Variants in EP300 observed in about 807,000 individuals in gnomAD.
EP300 encodes the protein histone acetyltransferase p300.
A neutral mutation model predicts 264.0 loss-of-function variants in EP300; 31 were observed. The observed-to-expected ratio is 0.12, with a 90% CI of 0.09 to 0.16. The LOEUF (loss-of-function observed/expected upper bound fraction) is 0.16. EP300 is among the 10% of genes least tolerant of loss of function. EP300 has a pLI of 1.00. For missense variants in EP300, 2,766 were observed against 3,052.9 expected, an observed-to-expected ratio of 0.91 and a Z score of 2.21; for synonymous variants, 1,340 against 1,045.4, an observed-to-expected ratio of 1.28 and a Z score of -5.44.
At position 41,141,866 on chromosome 22, in the gene EP300, A is replaced by G. The variant is rs114980245; in HGVS notation, c.2053+644A>G. ...TAATTTTTGTATTTTTCGTAGAGAC[A>G]GGGTTTTGCCATGTTGGCCTAGCTG... is the stretch of plus-strand genomic sequence containing the variant. On this transcript the variant is annotated intron_variant, in intron 10 of 30. Coordinates refer to ENST00000263253, the MANE Select transcript of EP300 (RefSeq NM_001429.4). 9.6e-3 allele frequency among the ~76,000 whole-genome samples: 1,457 copies of G among 152,104 alleles called. 28 individuals carry two copies. Among genetic ancestry groups the G allele is most frequent in the African/African-American group, 0.033 (1,383 of 41,482 alleles).
At chr22:41,167,580 GTGTGTATATATATATATATATA>G (rs1273074537) in intron 23 of EP300, among the ~76,000 whole-genome samples, 1,528 of 30,160 alleles carry the variant, frequency 0.051, 84 homozygotes, top group African/African-American at 0.16. Flanking sequence ...GTGTGTGTGT[GTGTGTATATATATATATATATA>G]TATATATATA....
rs559582949 is a variant in EP300 at position 41,178,074 on chromosome 22, G to T, written c.6363G>T (p.Gln2121His). 8.7e-6 allele frequency: 14 copies of T among 1,614,132 alleles called. No individual in the cohort carries two copies. Among genetic ancestry groups the T allele is most frequent in the African/African-American group, 6.7e-5 (5 of 75,038 alleles). The change falls in exon 31 of 31, where the codon CAG becomes CAT. Residue 2121 changes from glutamine (Q) to histidine (H), a missense_variant. By Grantham distance (24) the Gln-to-His change is conservative. Coordinates refer to ENST00000263253, the MANE Select transcript of EP300 (RefSeq NM_001429.4). ...TACAGCCACCTACCATGCCAGGTCA[G>T]CAGGGGGTCCACTCCAATCCAGCCA... ...PGLQPPTMPG[Q>H]QGVHSNPAMQ...
At chr22:41,152,170 C>T (rs775611620) in intron 15 of EP300, 36 bp from the exon 16 acceptor site, 1 of 1,608,396 alleles carries the variant, frequency 6.2e-7, no homozygotes, top group African/African-American at 1.3e-5. Flanking sequence ...AACTAGATAT[C>T]TTTGGAATAC....
At chr22:41,093,192 C>A in intron 1 of EP300, 94 bp downstream of exon 1, 3 of 1,224,144 alleles carry the variant, frequency 2.5e-6, no homozygotes, top group Non-Finnish European at 2.4e-6. Context: ...TCCTCTCTCT[C>A]TAGTTCCCTG....
intron 18 of EP300, among the ~76,000 whole-genome samples, chr22:41,157,956 T>C (rs2059086754): frequency 6.6e-6 from 1 of 152,258 alleles, no homozygotes. Flanking sequence ...GACTGTTAAC[T>C]CATCTGGAGT....
chr22:41,143,351 A>C (rs1414685859), intron 10 of EP300, among the ~76,000 whole-genome samples: 1 of 152,090 alleles, frequency 6.6e-6, no homozygotes, highest in African/African-American at 2.4e-5. Context: ...ACTCAGGAGG[A>C]TGAGGCAGGA....
chr22:41,104,283 T>A (rs2058746290), intron 1 of EP300, among the ~76,000 whole-genome samples: 1 of 151,914 alleles, frequency 6.6e-6, no homozygotes, highest in East Asian at 1.9e-4. Flanking sequence ...GTCTTCATCA[T>A]GTAGTTTTTT....
At chr22:41,129,819 TCAA>T in intron 4 of EP300, 68 bp from the exon 5 acceptor site, 1 of 1,166,600 alleles carries the variant, frequency 8.6e-7, no homozygotes, top group Non-Finnish European at 1.3e-6. Flanking sequence ...TATTAAGTGG[TCAA>T]CAAGTTAGCT....
intron 2 of EP300, among the ~76,000 whole-genome samples, chr22:41,125,427 G>T (rs1413289114): frequency 2.0e-5 from 3 of 149,180 alleles, no homozygotes; most frequent in Non-Finnish European, 4.4e-5. Flanking sequence ...TGTTTTTTGG[G>T]GTTTTTTTTT....
intron 22 of EP300, among the ~76,000 whole-genome samples, chr22:41,165,762 ATT>A (rs1333999351): frequency 1.3e-5 from 2 of 151,100 alleles, no homozygotes; most frequent in African/African-American, 4.9e-5. Flanking sequence ...TAATTTTTGT[ATT>A]TTGTTATAAG....
chr22:41,163,567 CA>C, intron 21 of EP300, among the ~76,000 whole-genome samples: 1 of 151,466 alleles, frequency 6.6e-6, no homozygotes, highest in Middle Eastern at 3.4e-3. Flanking sequence ...GCCAACATGG[CA>C]AAATCCCGTC....
intron 17 of EP300, among the ~76,000 whole-genome samples, 157 bp downstream of exon 17, chr22:41,155,270 C>T (rs1409619206): frequency 1.3e-5 from 2 of 151,676 alleles, no homozygotes; most frequent in African/African-American, 4.8e-5. Context: ...TTCTGGTTGC[C>T]TAGGCTGGAG....
At chr22:41,105,254 G>C (rs1007698212) in intron 1 of EP300, among the ~76,000 whole-genome samples, 11 of 146,048 alleles carry the variant, frequency 7.5e-5, no homozygotes, top group African/African-American at 2.5e-4. Context: ...TGTAGTCCCA[G>C]CTACTCGGGA....
At chr22:41,141,437 A>G (rs2058981646) in intron 10 of EP300, among the ~76,000 whole-genome samples, 1 of 152,240 alleles carries the variant, frequency 6.6e-6, no homozygotes, top group Non-Finnish European at 1.5e-5. Flanking sequence ...TACCTTGATA[A>G]TCTGGAATTG....
intron 6 of EP300, among the ~76,000 whole-genome samples, chr22:41,131,920 G>C (rs190744666): frequency 6.6e-6 from 1 of 151,764 alleles, no homozygotes; most frequent in Non-Finnish European, 1.5e-5. Context: ...TAGACGGGCC[G>C]GGCATGGTGG....
intron 24 of EP300, 55 bp downstream of exon 24, chr22:41,168,654 G>A (rs2145763077): frequency 1.2e-6 from 2 of 1,614,140 alleles, no homozygotes; most frequent in Non-Finnish European, 1.7e-6. Flanking sequence ...GCTCATACAT[G>A]GTTACTATTG....
intron 4 of EP300, among the ~76,000 whole-genome samples, 167 bp from the exon 5 acceptor site, chr22:41,129,723 T>G (rs958108302): frequency 5.9e-5 from 9 of 152,228 alleles, no homozygotes; most frequent in Non-Finnish European, 1.2e-4. Flanking sequence ...CTTTTTGCCT[T>G]TCTTGACTGT....
At chr22:41,160,525 C>T (rs1015121071) in intron 19 of EP300, 117 bp from the exon 20 acceptor site, 5 of 846,536 alleles carry the variant, frequency 5.9e-6, no homozygotes, top group African/African-American at 5.0e-5. Context: ...CGTTGATGAC[C>T]TGCTCTCTGC....
Position 41,176,291 on chromosome 22 carries a change from C to G in EP300, c.4824C>G (p.Ser1608=), listed in dbSNP as rs199994113. 7 of 1,614,192 alleles carry G rather than the reference C, an allele frequency of 4.3e-6. No individual in the cohort carries two copies. The highest frequency in any genetic ancestry group is 1.6e-4 in the Middle Eastern group (1 of 6,062). The change falls in exon 30 of 31, where the codon TCC becomes TCG. Residue 1608 remains serine (S), a synonymous_variant. Transcript: ENST00000263253. The part of the protein sequence containing the change: ...IRLIAGPAAN[S]LPPIVDPDPL... The stretch of plus-strand genomic sequence containing the variant: ...TCATTGCTGGCCCTGCTGCCAACTC[C>G]CTGCCTCCCATTGTTGATCCTGATC...
Sources: allele counts gnomAD v4.1 joint callset (sites outside exome capture counted in the v4.1 genomes callset), GRCh38; gene constraint gnomAD v4.1.1; transcripts MANE v1.5; gene names NCBI Gene and HGNC (gene_info 2026-07-23, HGNC 2026-07-21).